CIAO2A: variants seen among roughly 807,000 people sequenced by gnomAD.
The protein encoded by CIAO2A is MIP18 family protein FAM96A.
In CIAO2A, 17 loss-of-function variants were observed where a neutral mutation model predicts 22.4. That is an observed-to-expected ratio of 0.76 (90% CI 0.52 to 1.14). The LOEUF (loss-of-function observed/expected upper bound fraction) is 1.14. Ranked by LOEUF, CIAO2A falls within the 50% of genes most tolerant of loss-of-function variation. The pLI is 0.00. For synonymous variants in CIAO2A, 74 were observed against 72.3 expected (o/e 1.02, Z -0.12); for missense variants, 192 against 191.4 (o/e 1.00, Z -0.02).
At chr15:64,073,050 GT>G in intron 4 of CIAO2A, 22 bp from the exon 5 acceptor site, 1 of 1,539,146 alleles carries the variant, frequency 6.5e-7, no homozygotes, top group Non-Finnish European at 9.0e-7. Context: ...ACAGACAAAA[GT>G]TAGCAGAAGA....
chr15:64,084,029 A>G (rs1176483826), intron 2 of CIAO2A, among the ~76,000 whole-genome samples: 1 of 152,160 alleles, frequency 6.6e-6, no homozygotes, highest in Admixed American at 6.5e-5. Context: ...GGCTAAGACA[A>G]AACTTTCTAC....
intron 3 of CIAO2A, among the ~76,000 whole-genome samples, chr15:64,077,092 C>T (rs2080724308): frequency 6.6e-6 from 1 of 152,142 alleles, no homozygotes; most frequent in Non-Finnish European, 1.5e-5. Flanking sequence ...GCAGGCGGAT[C>T]ACGAGGTCAG....
In CIAO2A at chr15:64,081,088, T is replaced by C; in HGVS notation, c.339+14A>G. ...TTTACAACAACAACAACAACAAAAA[T>C]ACATCTTTCTTACCTTATGTTTAAA... On this transcript the variant is annotated intron_variant, in intron 3 of 4. Transcript: ENST00000300030. 6.2e-7 allele frequency: 1 copy of C among 1,610,922 alleles called. No homozygotes were observed.
chr15:64,084,976 C>T (rs1041984849), intron 2 of CIAO2A, among the ~76,000 whole-genome samples: 1 of 151,094 alleles, frequency 6.6e-6, no homozygotes, highest in Admixed American at 6.6e-5. Flanking sequence ...GCCTGTAATC[C>T]TAGCTACTCG....
chr15:64,087,009 T>C (rs1459594458), intron 2 of CIAO2A, among the ~76,000 whole-genome samples: 2 of 150,976 alleles, frequency 1.3e-5, no homozygotes, highest in East Asian at 3.9e-4. Context: ...CCTCCCAGGT[T>C]CAAGTAATTC....
At chr15:64,085,171 T>G (rs1482892279) in intron 2 of CIAO2A, among the ~76,000 whole-genome samples, 1 of 152,162 alleles carries the variant, frequency 6.6e-6, no homozygotes, top group African/African-American at 2.4e-5. Context: ...CTAGAAGTAG[T>G]CCAAATGGTT....
chr15:64,079,347 C>A (rs1253615974), intron 3 of CIAO2A, among the ~76,000 whole-genome samples: 1 of 152,086 alleles, frequency 6.6e-6, no homozygotes, highest in African/African-American at 2.4e-5. Flanking sequence ...TTGAGACTAG[C>A]TTGGGCAACA....
intron 1 of CIAO2A, chr15:64,090,338 C>G (rs1567309300): frequency 6.5e-6 from 1 of 153,884 alleles, no homozygotes; most frequent in African/African-American, 2.4e-5. Flanking sequence ...GCAAAAACTC[C>G]GTCTCAAAAA....
rs201658201 is a variant in CIAO2A at position 64,072,928 on chromosome 15, C to A, written c.*3G>T. 7.0e-5 allele frequency: 112 copies of A among 1,600,452 alleles called. 3 individuals are homozygous for A. The South Asian group carries it at 1.2e-3, about 17-fold the overall frequency. On this transcript the variant is annotated 3_prime_UTR_variant, in exon 5 of 5. Coordinates refer to ENST00000300030, the MANE Select transcript of CIAO2A (RefSeq NM_032231.7). ...TACAGGCCAGTGGCTCTTAAAACAG[C>A]TATCAGTCAGGTTCAAGGACACACT...
intron 3 of CIAO2A, among the ~76,000 whole-genome samples, chr15:64,076,179 T>C (rs1404327412): frequency 6.6e-6 from 1 of 152,206 alleles, no homozygotes; most frequent in East Asian, 1.9e-4. Context: ...ATCTCTTTTC[T>C]GCACTCTACT....
chr15:64,081,226 G>A (rs1478481843), intron 2 of CIAO2A, 75 bp from the exon 3 acceptor site: 24 of 1,397,758 alleles, frequency 1.7e-5, no homozygotes, highest in African/African-American at 5.7e-5. Context: ...ATACAACTGC[G>A]TTTATGTGCC....
At chr15:64,088,647 G>A (rs2080815868) in intron 2 of CIAO2A, 40 bp downstream of exon 2, 2 of 1,481,762 alleles carry the variant, frequency 1.3e-6, no homozygotes, top group Admixed American at 2.3e-5. Context: ...GAATAACTTA[G>A]AATTTATATA....
intron 3 of CIAO2A, among the ~76,000 whole-genome samples, chr15:64,080,200 A>C (rs1020799679): frequency 2.0e-5 from 3 of 152,026 alleles, no homozygotes; most frequent in African/African-American, 4.8e-5. Flanking sequence ...AGCCTGGCCA[A>C]CATGGTGAAA....
chr15:64,089,014 G>C (rs1337577177), intron 1 of CIAO2A, among the ~76,000 whole-genome samples, 163 bp from the exon 2 acceptor site: 1 of 152,262 alleles, frequency 6.6e-6, no homozygotes, highest in Admixed American at 6.5e-5. Context: ...GTTTCCTCTT[G>C]AGAAAACTGT....
In CIAO2A at chr15:64,093,749, A is replaced by T; in HGVS notation, c.20T>A (p.Leu7Gln). 1.9e-6 allele frequency: 3 copies of T among 1,612,232 alleles called. No individual in the cohort carries two copies. Among genetic ancestry groups the T allele is most frequent in the South Asian group, 1.1e-5 (1 of 91,062 alleles). MQRVSG[L>Q]LSWTLSRVLW... ...GACTCTGCTCAGCGTCCAGGAGAGC[A>T]GCCCGGACACCCGCTGCATCTTCAC... The change falls in exon 1 of 5, where the codon CTG (leucine) becomes CAG (glutamine). Residue 7 changes from leucine (L) to glutamine (Q), a missense_variant. Physicochemically the swap from Leu to Gln is moderately radical, Grantham distance 113. Coordinates refer to ENST00000300030, the MANE Select transcript of CIAO2A (RefSeq NM_032231.7).
rs140392539 is a variant in CIAO2A, at chr15:64,091,697, A to G, written c.124+1948T>C. The stretch of plus-strand genomic sequence containing the variant: ...ATATGCCACTAAACCCTGAAATTAA[A>G]TATCATCCTTATTAAATTTCTCTAG... On this transcript the variant is annotated intron_variant, in intron 1 of 4. Transcript: ENST00000300030. Among the ~76,000 whole-genome samples the G allele has an allele frequency of 7.6e-4, 115 of 152,194 alleles. 1 individual carries two copies. The East Asian group carries it at 0.016, about 21-fold the overall frequency.
intron 2 of CIAO2A, among the ~76,000 whole-genome samples, chr15:64,087,185 G>A (rs1038013673): frequency 3.6e-5 from 5 of 139,194 alleles, no homozygotes; most frequent in South Asian, 4.7e-4. Flanking sequence ...TCCGCTTCCC[G>A]GGTTCACGCC....
At chr15:64,080,509 C>G (rs998772510) in intron 3 of CIAO2A, among the ~76,000 whole-genome samples, 7 of 151,930 alleles carry the variant, frequency 4.6e-5, no homozygotes, top group Non-Finnish European at 8.8e-5. Flanking sequence ...GGTGAAACCC[C>G]GTCTCTACTA....
At chr15:64,073,053 A>G (rs1469906024) in intron 4 of CIAO2A, 25 bp from the exon 5 acceptor site, 1 of 1,530,550 alleles carries the variant, frequency 6.5e-7, no homozygotes, top group South Asian at 1.1e-5. Flanking sequence ...GACAAAAGTT[A>G]GCAGAAGAAC....
Sources: allele counts gnomAD v4.1 joint callset (sites outside exome capture counted in the v4.1 genomes callset), GRCh38; gene constraint gnomAD v4.1.1; transcripts MANE v1.5; gene names NCBI Gene and HGNC (gene_info 2026-07-23, HGNC 2026-07-21).